MTUS1: variants seen among roughly 807,000 people sequenced by gnomAD.
The protein encoded by MTUS1 is microtubule-associated tumor suppressor 1.
In MTUS1, 109 loss-of-function variants were observed where a neutral mutation model predicts 120.8. The observed-to-expected ratio is 0.90, with a 90% CI of 0.77 to 1.06. The LOEUF (loss-of-function observed/expected upper bound fraction) is 1.06. Ranked by LOEUF, MTUS1 falls within the 50% of genes least tolerant of loss-of-function variation. MTUS1 has a pLI of 0.00. For synonymous variants in MTUS1, 737 were observed against 550.5 expected (o/e 1.34, Z -4.74); for missense variants, 2,210 against 1,486.3 (o/e 1.49, Z -8.01).
rs1350574866 is a variant in MTUS1 at position 17,761,577 on chromosome 8, A to G, written c.-154-5616T>C. Among the ~76,000 whole-genome samples, 6 of 152,342 alleles carry G rather than the reference A, an allele frequency of 3.9e-5. No individual in the cohort carries two copies. In the South Asian group the frequency reaches 1.2e-3, roughly 32 times the overall value. ...GCTTATATAAGAGTAGATGTCTTCT[A>G]TATCTCCCTATTACCCACAGTGTCT... is the stretch of plus-strand genomic sequence containing the variant. On this transcript the variant is annotated intron_variant, in intron 1 of 14. Transcript: ENST00000693296.
At chr8:17,681,344 G>A (rs919608107) in intron 7 of MTUS1, among the ~76,000 whole-genome samples, 5 of 152,142 alleles carry the variant, frequency 3.3e-5, no homozygotes, top group Non-Finnish European at 5.9e-5. Context: ...TTGTGGGCAA[G>A]GACAGCAACC....
At chr8:17,674,423 A>AAAAAAG (rs1189871835) in intron 8 of MTUS1, 2 of 975,790 alleles carry the variant, frequency 2.0e-6, no homozygotes, top group African/African-American at 1.8e-5. Flanking sequence ...CGTCTCAAAA[A>AAAAAAG]AAAAAGAAAA....
chr8:17,686,696 TTTATA>T (rs1178609128), intron 6 of MTUS1, among the ~76,000 whole-genome samples: 1 of 152,190 alleles, frequency 6.6e-6, no homozygotes, highest in African/African-American at 2.4e-5. Context: ...AGGTGAGTCT[TTTATA>T]TTAATATTTT....
chr8:17,754,101 A>C lies in MTUS1; in HGVS notation c.1707T>G (p.Ile569Met), dbSNP rs540520285. 1 of 1,613,370 alleles carries C rather than the reference A, an allele frequency of 6.2e-7. No homozygotes were observed. Among genetic ancestry groups the C allele is most frequent in the Non-Finnish European group, 8.5e-7 (1 of 1,179,892 alleles). ...SDLNADKKAE[I>M]LINKTHKQQF... ...GCTGCTTATGTGTCTTGTTAATTAG[A>C]ATTTCTGCTTTTTTGTCTGCATTCA... The change falls in exon 2 of 15, where the codon ATT (isoleucine) becomes ATG (methionine). Residue 569 changes from isoleucine to methionine, a missense_variant. By Grantham distance (10) the Ile-to-Met change is conservative (BLOSUM62 1). Coordinates refer to ENST00000693296, the MANE Select transcript of MTUS1 (RefSeq NM_001363059.2).
chr8:17,680,216 C>A (rs1454667760), intron 7 of MTUS1, among the ~76,000 whole-genome samples: 1 of 151,980 alleles, frequency 6.6e-6, no homozygotes, highest in Non-Finnish European at 1.5e-5. Flanking sequence ...GTAATCCCAG[C>A]ACTTTGGAAG....
intron 1 of MTUS1, among the ~76,000 whole-genome samples, chr8:17,791,574 C>T (rs1159850607): frequency 6.6e-6 from 1 of 152,152 alleles, no homozygotes; most frequent in Non-Finnish European, 1.5e-5. Context: ...AAAGTATCTA[C>T]ATTGATTTTT....
In MTUS1 at chr8:17,743,697, G is replaced by T. The variant is rs1168502319; in HGVS notation, c.2194C>A (p.Pro732Thr). ...IAAPKAKVGP[P>T]VSCLRRNSDN... ...CTGTTCCGCCTCAAACAGGAAACAGGGGGCCCCACTTTGGCTTTTGGAGCA... is the reference window on the plus strand; with the variant it reads ...CTGTTCCGCCTCAAACAGGAAACAGTGGGCCCCACTTTGGCTTTTGGAGCA... Residue 732 changes from proline to threonine, a missense_variant, in exon 3 of 15, where the codon CCT becomes ACT. Physicochemically the swap from Pro to Thr is conservative, Grantham distance 38. Coordinates refer to ENST00000693296, the MANE Select transcript of MTUS1 (RefSeq NM_001363059.2). The T allele has an allele frequency of 1.2e-6, 2 of 1,614,140 alleles. No homozygotes were observed. The highest frequency in any genetic ancestry group is 4.5e-5 in the East Asian group (2 of 44,880).
intron 9 of MTUS1, 21 bp from the exon 10 acceptor site, chr8:17,654,687 C>T (rs759147242): frequency 1.1e-5 from 17 of 1,574,792 alleles, no homozygotes; most frequent in Admixed American, 1.7e-5. Flanking sequence ...CAAACAAAAC[C>T]GTGGTTTAAC....
At chr8:17,785,240 G>A (rs2051208136) in intron 1 of MTUS1, among the ~76,000 whole-genome samples, 1 of 151,858 alleles carries the variant, frequency 6.6e-6, no homozygotes, top group East Asian at 1.9e-4. Flanking sequence ...AGACAAAAAT[G>A]TACAAGTAAA....
chr8:17,681,227 C>A (rs1305636769), intron 7 of MTUS1, among the ~76,000 whole-genome samples: 2 of 152,164 alleles, frequency 1.3e-5, no homozygotes, highest in African/African-American at 4.8e-5. Flanking sequence ...AGCCACAGCG[C>A]CCGGCCTGCA....
chr8:17,685,554 A>G (rs1238860841), intron 6 of MTUS1, among the ~76,000 whole-genome samples: 1 of 152,214 alleles, frequency 6.6e-6, no homozygotes, highest in African/African-American at 2.4e-5. Flanking sequence ...ATCTGAAACA[A>G]CTTTTAAAGA....
intron 7 of MTUS1, chr8:17,676,171 G>T (rs1340389279): frequency 4.4e-6 from 3 of 685,938 alleles, no homozygotes; most frequent in Non-Finnish European, 8.0e-6. Flanking sequence ...GGCCTTTGCA[G>T]GCAAGAGTTG....
At chr8:17,689,321 T>C (rs1816487191) in intron 6 of MTUS1, among the ~76,000 whole-genome samples, 1 of 152,192 alleles carries the variant, frequency 6.6e-6, no homozygotes, top group South Asian at 2.1e-4. Flanking sequence ...ATTACTATAT[T>C]GGTAGAATTC....
At chr8:17,722,011 C>T (rs1397953382) in intron 4 of MTUS1, 18 of 1,413,742 alleles carry the variant, frequency 1.3e-5, no homozygotes, top group South Asian at 1.7e-5. Context: ...AAAAAAAATG[C>T]GTAAGCTCCA....
chr8:17,801,320 A>G (rs2052663033), upstream of MTUS1: 1 of 151,650 alleles, frequency 6.6e-6, no homozygotes, highest in African/African-American at 2.4e-5. Context: ...ACTTGTAAAT[A>G]GCCGAACTCG....
chr8:17,653,586 TTGA>T (rs1447154939), intron 10 of MTUS1, 88 bp from the exon 11 acceptor site: 3 of 927,778 alleles, frequency 3.2e-6, no homozygotes, highest in African/African-American at 1.7e-5. Context: ...GATGTAGGGG[TTGA>T]TGATGAAGCC....
rs1821087620 is a variant in MTUS1 at position 17,710,597 on chromosome 8, G to A, written c.2623+2617C>T. Among the ~76,000 whole-genome samples the A allele has an allele frequency of 2.0e-5, 3 of 152,312 alleles. 1 individual carries two copies. The highest frequency in any genetic ancestry group is 4.1e-4 in the South Asian group (2 of 4,828). On this transcript the variant is annotated intron_variant, in intron 6 of 14. Coordinates refer to ENST00000693296, the MANE Select transcript of MTUS1 (RefSeq NM_001363059.2). The stretch of plus-strand genomic sequence containing the variant: ...GAACCCCTCAAAGTCATCCATGACG[G>A]TTAGGTCAGCTTCTTCCAAACTCCT...
rs542611445 is a variant in MTUS1 at position 17,770,253 on chromosome 8, C to G, written c.-154-14292G>C. ...AATCATCTTAGCATTTTCAAACGTT[C>G]TAGAATTTAGCCTGAAGTAGGGGTA... On this transcript the variant is annotated intron_variant, in intron 1 of 14. Transcript: ENST00000693296. Among the ~76,000 whole-genome samples, 6 of 152,158 alleles carry G rather than the reference C, an allele frequency of 3.9e-5. No homozygotes were observed. The South Asian group carries it at 1.2e-3, about 32-fold the overall frequency.
intron 8 of MTUS1, among the ~76,000 whole-genome samples, chr8:17,667,202 A>T (rs540938623): frequency 6.6e-6 from 1 of 152,184 alleles, no homozygotes; most frequent in Non-Finnish European, 1.5e-5. Flanking sequence ...GCAGATGTGG[A>T]TAGGAAGAGA....
Sources: gnomAD v4.1 joint callset for allele counts (sites outside exome capture counted in the v4.1 genomes callset) on GRCh38, gnomAD v4.1.1 for gene constraint, MANE v1.5 for transcripts, NCBI Gene and HGNC (gene_info 2026-07-23, HGNC 2026-07-21) for gene names.